The following DPF3 variants were observed in gnomAD, a reference collection of about 807,000 sequenced individuals.
DPF3 encodes the protein zinc finger protein DPF3.
DPF3 carries 18 observed loss-of-function variants against 56.8 expected under a neutral mutation model. That is an observed-to-expected ratio of 0.32 (90% CI 0.22 to 0.47). The LOEUF (loss-of-function observed/expected upper bound fraction) is 0.47. Ranked by LOEUF, DPF3 falls within the 20% of genes least tolerant of loss-of-function variation. The pLI, the probability that DPF3 is intolerant of heterozygous loss-of-function variation, is 1.00. For synonymous variants in DPF3, 188 were observed against 180.2 expected, an observed-to-expected ratio of 1.04 and a Z score of -0.35; for missense variants, 403 against 488.8, an observed-to-expected ratio of 0.82 and a Z score of 1.65.
intron 9 of DPF3, among the ~76,000 whole-genome samples, chr14:72,626,403 T>G (rs1292981435): frequency 6.6e-6 from 1 of 152,130 alleles, no homozygotes; most frequent in African/African-American, 2.4e-5. Flanking sequence ...TTTTCTTATG[T>G]CTCTTTTTTC....
intron 8 of DPF3, among the ~76,000 whole-genome samples, chr14:72,643,171 A>G (rs115901751): frequency 6.6e-6 from 1 of 152,214 alleles, no homozygotes; most frequent in Non-Finnish European, 1.5e-5. Context: ...TGGCAACCCA[A>G]TGGCATTTCA....
At chr14:72,667,773 T>G (rs1338853954) in intron 8 of DPF3, among the ~76,000 whole-genome samples, 1 of 152,242 alleles carries the variant, frequency 6.6e-6, no homozygotes, top group African/African-American at 2.4e-5. Context: ...TGACGTTACC[T>G]TTTAAAAGCT....
At chr14:72,771,601 TCAGAGGCCCATGTG>T in intron 2 of DPF3, 118 bp downstream of exon 2, 1 of 1,027,620 alleles carries the variant, frequency 9.7e-7, no homozygotes, top group Non-Finnish European at 1.3e-6. Flanking sequence ...TTAAGGTATC[TCAGAGGCCCATGTG>T]CAGCTTGCCC....
In DPF3 at chr14:72,792,931, TAA is replaced by T. The variant is rs5809591; in HGVS notation, c.33-21040_33-21039del. On this transcript the variant is annotated intron_variant, in intron 1 of 10. Transcript: ENST00000556509. ...GAGACCGTTCTTCAAAATAATAATTTAAAAAAAAAAAACACTGCTGAAACACA... is the reference window on the plus strand; with the variant it reads ...GAGACCGTTCTTCAAAATAATAATTTAAAAAAAAAACACTGCTGAAACACA... 4.7e-5 allele frequency among the ~76,000 whole-genome samples: 7 copies of T among 147,838 alleles called. 1 individual carries two copies. The highest frequency in any genetic ancestry group is 3.2e-3 in the Middle Eastern group (1 of 312).
chr14:72,706,860 T>C (rs1265647322), intron 6 of DPF3, among the ~76,000 whole-genome samples: 2 of 152,064 alleles, frequency 1.3e-5, no homozygotes, highest in African/African-American at 4.8e-5. Context: ...AGTTTTAGGG[T>C]ACATGTGTAC....
intron 9 of DPF3, among the ~76,000 whole-genome samples, chr14:72,626,069 G>C (rs561107303): frequency 6.6e-6 from 1 of 151,780 alleles, no homozygotes; most frequent in Non-Finnish European, 1.5e-5. Flanking sequence ...CTCACTCTTC[G>C]GTATAGTTAC....
intron 1 of DPF3, among the ~76,000 whole-genome samples, chr14:72,855,768 A>G (rs1017595206): frequency 7.9e-5 from 12 of 152,202 alleles, no homozygotes; most frequent in Non-Finnish European, 1.2e-4. Context: ...AGTTCCATCC[A>G]AAGCAACGCT....
At position 72,827,488 on chromosome 14, in the gene DPF3, C is replaced by CTTT. The variant is rs1182260007; in HGVS notation, c.33-55598_33-55596dup. Among the ~76,000 whole-genome samples the CTTT allele has an allele frequency of 4.0e-3, 313 of 78,306 alleles. 49 individuals are homozygous for CTTT. Among genetic ancestry groups the CTTT allele is most frequent in the African/African-American group, 0.016 (291 of 18,678 alleles). The allele number at this position is 78,306 out of a possible 152,430, so 51.4% of individuals were successfully genotyped here. A position where few individuals can be genotyped will look rare whatever the true frequency, so the allele number is the denominator to read the frequency against. ...GTACTCAACAACCATTCCCTTTACT[C>CTTT]TTTTTTTTTTTTTTTTTTTTTTTTT... On this transcript the variant is annotated intron_variant, in intron 1 of 10. Transcript: ENST00000556509.
chr14:72,793,228 C>G (rs927752960), intron 1 of DPF3, among the ~76,000 whole-genome samples: 2 of 152,146 alleles, frequency 1.3e-5, no homozygotes, highest in African/African-American at 2.4e-5. Flanking sequence ...AGTGTCACAC[C>G]GCAGCCATTG....
At chr14:72,638,210 T>C (rs1404525042) in intron 8 of DPF3, among the ~76,000 whole-genome samples, 1 of 152,206 alleles carries the variant, frequency 6.6e-6, no homozygotes. Context: ...TCTGGATTTG[T>C]AGATTGCAGG....
chr14:72,724,223 CTTT>C lies in DPF3; in HGVS notation c.430-498_430-496del, dbSNP rs796081997. 6.8e-5 allele frequency: 10 copies of C among 148,006 alleles called. 1 individual carries two copies. The highest frequency in any genetic ancestry group is 2.5e-4 in the African/African-American group (10 of 39,724). The allele number at this position is 148,006 out of a possible 1,614,324, so 9.2% of individuals were successfully genotyped here. On this transcript the variant is annotated intron_variant, in intron 4 of 10. Coordinates refer to ENST00000556509, the MANE Select transcript of DPF3 (RefSeq NM_001280542.3). ...ATGTGCTGTTCATAATAAGCCACTG[CTTT>C]TTTTTCTTTTTTTTTTTTTTAAGAA...
At chr14:72,783,345 A>G (rs1262588436) in intron 1 of DPF3, among the ~76,000 whole-genome samples, 2 of 152,148 alleles carry the variant, frequency 1.3e-5, no homozygotes, top group African/African-American at 2.4e-5. Flanking sequence ...CCAGCCCCCA[A>G]CGCAAGACTT....
chr14:72,714,462 C>T lies in DPF3; in HGVS notation c.565G>A (p.Ala189Thr), dbSNP rs61742825. Residue 189 changes from alanine (A) to threonine (T), a missense_variant, in exon 6 of 11, where the codon GCC becomes ACC. Physicochemically the swap from Ala to Thr is moderately conservative, Grantham distance 58. Around this residue, in one of 2 missense-constraint regions of DPF3, gnomAD observed 340 missense variants for 374.3 expected, o/e 0.91. Coordinates refer to ENST00000556509, the MANE Select transcript of DPF3 (RefSeq NM_001280542.3). ...GGTTTGTCGTGGTCTTCCTGAGAGG[C>T]GGCGTCGTGCCTCCTCCTGCCCCCT... is the stretch of plus-strand genomic sequence containing the variant. ...SAGGRRRHDA[A>T]SQEDHDKPYV... 606 of 1,613,814 alleles carry T rather than the reference C, an allele frequency of 3.8e-4. 2 individuals carry two copies. The highest frequency in any genetic ancestry group is 6.6e-4 in the Middle Eastern group (4 of 6,060).
At chr14:72,620,265 T>C (rs1884349182) in intron 9 of DPF3, among the ~76,000 whole-genome samples, 1 of 152,124 alleles carries the variant, frequency 6.6e-6, no homozygotes, top group Non-Finnish European at 1.5e-5. Flanking sequence ...ACACCTCACA[T>C]CCAAATTTAA....
At chr14:72,804,578 A>G (rs77140128) in intron 1 of DPF3, among the ~76,000 whole-genome samples, 6,163 of 152,208 alleles carry the variant, frequency 0.04, 445 homozygotes, top group African/African-American at 0.14. Flanking sequence ...TGGAATTGAT[A>G]GAGTATTGGG....
At chr14:72,691,933 C>T (rs1442522998) in intron 7 of DPF3, among the ~76,000 whole-genome samples, 2 of 152,088 alleles carry the variant, frequency 1.3e-5, no homozygotes, top group Non-Finnish European at 2.9e-5. Context: ...GCCACCCCAT[C>T]TGTGGGGTTT....
intron 2 of DPF3, among the ~76,000 whole-genome samples, chr14:72,768,438 G>C (rs1385069087): frequency 1.3e-5 from 2 of 152,100 alleles, no homozygotes; most frequent in Non-Finnish European, 2.9e-5. Context: ...TGTAGAAGTG[G>C]TTACACAAAT....
At chr14:72,847,159 T>C (rs564092907) in intron 1 of DPF3, among the ~76,000 whole-genome samples, 1 of 152,348 alleles carries the variant, frequency 6.6e-6, no homozygotes, top group Non-Finnish European at 1.5e-5. Flanking sequence ...TTTGACTTTC[T>C]TGAACACGTC....
intron 1 of DPF3, among the ~76,000 whole-genome samples, chr14:72,786,309 C>T (rs1025264330): frequency 4.6e-5 from 7 of 152,050 alleles, no homozygotes; most frequent in South Asian, 2.1e-4. Context: ...GGTGAGGTGA[C>T]GTCCTCGGGA....
Sources: allele counts gnomAD v4.1 joint callset (sites outside exome capture counted in the v4.1 genomes callset), GRCh38; gene constraint gnomAD v4.1.1; regional missense constraint gnomAD v4.1.1; transcripts MANE v1.5; gene names NCBI Gene and HGNC (gene_info 2026-07-23, HGNC 2026-07-21).